The following NCKAP5L variants were observed in gnomAD, a reference collection of about 807,000 sequenced individuals.
The protein encoded by NCKAP5L is nck-associated protein 5-like.
Under a neutral mutation model 103.2 loss-of-function variants are expected in NCKAP5L, and 54 were observed. That is an observed-to-expected ratio of 0.52 (90% CI 0.42 to 0.66). The LOEUF (loss-of-function observed/expected upper bound fraction) is 0.66. Among genes scored for constraint, NCKAP5L ranks in the 30% least tolerant of loss-of-function variants. NCKAP5L has a pLI of 0.00. For synonymous variants in NCKAP5L, 762 were observed against 748.6 expected (o/e 1.02, Z -0.29); for missense variants, 1,733 against 1,750.6 (o/e 0.99, Z 0.18).
At chr12:49,828,089 A>C (rs1341448373) in intron 1 of NCKAP5L, among the ~76,000 whole-genome samples, 2 of 8,200 alleles carry the variant, frequency 2.4e-4, no homozygotes, top group Admixed American at 1.0e-3. Flanking sequence ...GGGGGGCGGG[A>C]GGGGGTGGGG....
intron 1 of NCKAP5L, among the ~76,000 whole-genome samples, chr12:49,819,311 C>CAA (rs60803272): frequency 3.2e-5 from 4 of 125,080 alleles, no homozygotes; most frequent in Admixed American, 1.8e-4. Context: ...GACTCCGCTT[C>CAA]AAAAAAAAAA....
chr12:49,812,418 A>T (rs11169161), intron 1 of NCKAP5L, among the ~76,000 whole-genome samples: 83,614 of 150,464 alleles, frequency 0.56, 25,197 homozygotes, highest in East Asian at 0.79. Context: ...AGTTTCACTC[A>T]TGTTGCCCAG....
In NCKAP5L at chr12:49,793,337, C is replaced by T. The variant is rs1945971147; in HGVS notation, c.3340+15G>A. Reference sequence around the variant, plus strand: ...GGTGGGGGCAGGCCCATCCTCAGCCCCTGACCCTGCTGACCTGTGAAGTGT... The same window carrying T: ...GGTGGGGGCAGGCCCATCCTCAGCCTCTGACCCTGCTGACCTGTGAAGTGT... On this transcript the variant is annotated intron_variant, in intron 10 of 12. Transcript: ENST00000335999. 6 of 1,603,700 alleles carry T rather than the reference C, an allele frequency of 3.7e-6. No homozygotes were observed. The highest frequency in any genetic ancestry group is 1.3e-5 in the African/African-American group (1 of 74,904).
chr12:49,822,610 A>C (rs1175368343), intron 1 of NCKAP5L, among the ~76,000 whole-genome samples: 2 of 149,692 alleles, frequency 1.3e-5, no homozygotes, highest in East Asian at 2.0e-4. Flanking sequence ...GCAGTGGCTC[A>C]ATCTCTGCTC....
intron 1 of NCKAP5L, among the ~76,000 whole-genome samples, chr12:49,807,925 C>T (rs1946198600): frequency 1.3e-5 from 2 of 152,198 alleles, no homozygotes; most frequent in South Asian, 2.1e-4. Context: ...AGGCAGCATT[C>T]GGGGTCTGGA....
At chr12:49,818,053 C>A (rs1358956936) in intron 1 of NCKAP5L, among the ~76,000 whole-genome samples, 1 of 151,648 alleles carries the variant, frequency 6.6e-6, no homozygotes, top group African/African-American at 2.4e-5. Context: ...CTCTTGAACC[C>A]AGGAGGTAGT....
In NCKAP5L at chr12:49,792,060, G is replaced by A. The variant is rs756038321; in HGVS notation, c.3793-9C>T. 4.1e-5 allele frequency: 62 copies of A among 1,525,922 alleles called. 1 individual carries two copies. The South Asian group carries it at 6.4e-4, about 16-fold the overall frequency. The allele number at this position is 1,525,922 out of a possible 1,614,324, so 94.5% of individuals were successfully genotyped here. A position where few individuals can be genotyped will look rare whatever the true frequency, so the allele number is the denominator to read the frequency against. On this transcript the variant is annotated splice_polypyrimidine_tract_variant and intron_variant, in intron 12 of 12. Transcript: ENST00000335999. This position sits in a 1 kb window ranked among gnomAD's most constrained non-coding sequence, Gnocchi z 4.5. ...CGGTCCACGGGCAGGGCCTGGGAAA[G>A]GAGGGGCAGCTCGGGAGGAAGCTCC...
At chr12:49,827,278 C>T (rs1946428209) in intron 1 of NCKAP5L, among the ~76,000 whole-genome samples, 1 of 151,994 alleles carries the variant, frequency 6.6e-6, no homozygotes. Flanking sequence ...CCATGACAGA[C>T]GCGGAGAAGT....
At position 49,798,565 on chromosome 12, in the gene NCKAP5L, G is replaced by GGACTCCCA. The variant is rs1272640159; in HGVS notation, c.352-110_352-103dup. On this transcript the variant is annotated intron_variant, in intron 6 of 12. Coordinates refer to ENST00000335999, the MANE Select transcript of NCKAP5L (RefSeq NM_001037806.4). ...CCCTCTGAGTCCGCTCCTTCACGGA[G>GGACTCCCA]GACTCCCAGACTCCCAGCCCCAAAT... 10 of 980,902 alleles carry GGACTCCCA rather than the reference G, an allele frequency of 1.0e-5. No individual in the cohort carries two copies. In the Admixed American group the frequency reaches 1.8e-4, roughly 18 times the overall value. The allele number at this position is 980,902 out of a possible 1,614,324, so 60.8% of individuals were successfully genotyped here.
intron 1 of NCKAP5L, among the ~76,000 whole-genome samples, chr12:49,818,388 G>T (rs1946323671): frequency 6.8e-6 from 1 of 148,140 alleles, no homozygotes; most frequent in African/African-American, 2.5e-5. Flanking sequence ...ATTCACTCAG[G>T]CTGGAGTGCA....
chr12:49,793,318 G>A (rs1190213441), intron 10 of NCKAP5L, 34 bp downstream of exon 10: 4 of 1,586,044 alleles, frequency 2.5e-6, no homozygotes, highest in East Asian at 2.2e-5. Context: ...GGGGGGTGGG[G>A]GCAGGCCCAT....
chr12:49,795,106 G>A lies in NCKAP5L; in HGVS notation c.2754C>T (p.Ala918=), dbSNP rs761428725. The A allele has an allele frequency of 1.9e-6, 3 of 1,613,326 alleles. No homozygotes were observed. Among genetic ancestry groups the A allele is most frequent in the East Asian group, 4.5e-5 (2 of 44,876 alleles). ...TGCTCTTCTTAAGGCCGAACCAGCTGGCGATGCTGCTGGTGTTGCGGTGCT... is the reference window on the plus strand; with the variant it reads ...TGCTCTTCTTAAGGCCGAACCAGCTAGCGATGCTGCTGGTGTTGCGGTGCT... ...EVKHRNTSSI[A]SWFGLKKSKL... The change falls in exon 8 of 13, where the codon GCC becomes GCT. Residue 918 remains alanine, a synonymous_variant. Transcript: ENST00000335999.
At chr12:49,808,694 C>T (rs1301910372) in intron 1 of NCKAP5L, among the ~76,000 whole-genome samples, 1 of 152,152 alleles carries the variant, frequency 6.6e-6, no homozygotes, top group African/African-American at 2.4e-5. Context: ...GTCCCTGCTG[C>T]CTCCCCAGGG....
At chr12:49,824,762 G>C (rs1946398472) in intron 1 of NCKAP5L, among the ~76,000 whole-genome samples, 1 of 152,198 alleles carries the variant, frequency 6.6e-6, no homozygotes, top group Admixed American at 6.5e-5. Flanking sequence ...AAACCACAAG[G>C]GCCAAGACAG....
At position 49,796,933 on chromosome 12, in the gene NCKAP5L, A is replaced by G. The variant is rs1214651658; in HGVS notation, c.927T>C (p.Asn309=). ...GCAGGGTGTCGGGGCTGGGTGCCTC[A>G]TTGGGGTCACCTGCCTCATCAGAAG... ...SSSSDEAGDP[N]EAPSPDTLLG... is the part of the protein sequence containing the mutation. Residue 309 remains asparagine (N), a synonymous_variant, in exon 8 of 13, where the codon AAT becomes AAC. Transcript: ENST00000335999. The G allele has an allele frequency of 6.2e-7, 1 of 1,606,806 alleles. No individual in the cohort carries two copies. The highest frequency in any genetic ancestry group is 2.2e-5 in the East Asian group (1 of 44,678).
Position 49,792,161 on chromosome 12 carries a change from GAGGGGGCCCA to G in NCKAP5L, c.3793-120_3793-111del. 1 of 1,117,628 alleles carries G rather than the reference GAGGGGGCCCA, an allele frequency of 8.9e-7. No individual in the cohort carries two copies. The highest frequency in any genetic ancestry group is 1.3e-6 in the Non-Finnish European group (1 of 789,670). The allele number at this position is 1,117,628 out of a possible 1,614,324, so 69.2% of individuals were successfully genotyped here. A position where few individuals can be genotyped will look rare whatever the true frequency, so the allele number is the denominator to read the frequency against. Reference sequence around the variant, plus strand: ...GTGCACCTGATGGGGGGCTGCTCCAGAGGGGGCCCAAGGTGGGGTATACTTCAGAGGAAAC... The same window carrying G: ...GTGCACCTGATGGGGGGCTGCTCCAGAGGTGGGGTATACTTCAGAGGAAAC... On this transcript the variant is annotated intron_variant, in intron 12 of 12. Transcript: ENST00000335999. The surrounding 1 kb of genome is among the most constrained non-coding windows in gnomAD (Gnocchi z 4.5).
At chr12:49,801,334 A>G (rs746598416) in intron 6 of NCKAP5L, among the ~76,000 whole-genome samples, 10 of 152,264 alleles carry the variant, frequency 6.6e-5, no homozygotes, top group Middle Eastern at 3.4e-3. Context: ...GAGTAACCTC[A>G]AGTGACACCT....
At position 49,796,975 on chromosome 12, in the gene NCKAP5L, G is replaced by C. The variant is rs762522030; in HGVS notation, c.885C>G (p.Gly295=). 6.3e-7 allele frequency: 1 copy of C among 1,599,974 alleles called. No individual in the cohort carries two copies. Among genetic ancestry groups the C allele is most frequent in the South Asian group, 1.1e-5 (1 of 88,898 alleles). The change falls in exon 8 of 13, where the codon GGC becomes GGG. Residue 295 remains glycine (G), a synonymous_variant. Transcript: ENST00000335999. ...CATCAGAAGAGGAGGAGGAGCTGCT[G>C]CCTGGGGCACAGTTTGGGCCAGAGC... ...GTSSGPNCAP[G]SSSSSSSDEA... is the part of the protein sequence containing the mutation.
chr12:49,795,888 T>C lies in NCKAP5L; in HGVS notation c.1972A>G (p.Ser658Gly). ...GSGRRPGDPG[S>G]TPLRDRLAAL... The stretch of plus-strand genomic sequence containing the variant: ...GCCAGTCTGTCCCGCAGAGGTGTGC[T>C]GCCAGGATCCCCAGGTCGCCGTCCT... The change falls in exon 8 of 13, where the codon AGC (serine) becomes GGC (glycine). Residue 658 changes from serine to glycine, a missense_variant. By Grantham distance (56) the Ser-to-Gly change is moderately conservative. Coordinates refer to ENST00000335999, the MANE Select transcript of NCKAP5L (RefSeq NM_001037806.4). 1 of 1,546,012 alleles carries C rather than the reference T, an allele frequency of 6.5e-7. No homozygotes were observed. The highest frequency in any genetic ancestry group is 8.7e-7 in the Non-Finnish European group (1 of 1,152,718).
Sources: allele counts gnomAD v4.1 joint callset (sites outside exome capture counted in the v4.1 genomes callset), GRCh38; gene constraint gnomAD v4.1.1; non-coding constraint Gnocchi (gnomAD v3.1); transcripts MANE v1.5; gene names NCBI Gene and HGNC (gene_info 2026-07-23, HGNC 2026-07-21).